The following CCDC91 variants were observed in gnomAD, a reference collection of about 807,000 sequenced individuals.
CCDC91 encodes coiled-coil domain containing 91, also known as coiled-coil domain-containing protein 91.
CCDC91 carries 48 observed loss-of-function variants against 63.2 expected under a neutral mutation model. The observed-to-expected ratio is 0.76, with a 90% CI of 0.60 to 0.97. The LOEUF (loss-of-function observed/expected upper bound fraction) is 0.97, where lower values mean the gene tolerates loss of function less well. Ranked by LOEUF, CCDC91 falls within the 50% of genes least tolerant of loss-of-function variation. The pLI, the probability that CCDC91 is intolerant of heterozygous loss-of-function variation, is 0.00. For missense variants in CCDC91, 500 were observed against 494.6 expected, an observed-to-expected ratio of 1.01 and a Z score of -0.10; for synonymous variants, 167 against 165.8, an observed-to-expected ratio of 1.01 and a Z score of -0.06.
chr12:28,402,629 C>A (rs756970783), intron 8 of CCDC91, among the ~76,000 whole-genome samples: 28 of 144,164 alleles, frequency 1.9e-4, no homozygotes, highest in Non-Finnish European at 3.8e-4. Context: ...AATCCATATA[C>A]CTTTTATTTC....
intron 7 of CCDC91, among the ~76,000 whole-genome samples, chr12:28,366,309 A>G (rs1415616335): frequency 2.6e-5 from 4 of 152,166 alleles, no homozygotes; most frequent in South Asian, 2.1e-4. Flanking sequence ...TTGTCCCACT[A>G]AAGCACTGGA....
rs777088527 is a variant in CCDC91, at chr12:28,306,755, C to T, written c.281C>T (p.Thr94Ile). ...TATGTGGTTTAGATTCAGCAATCAA[C>T]ACACACTCATCTGGATATCTCACTT... is the stretch of plus-strand genomic sequence containing the variant. ...TIPKAQIQQS[T>I]HTHLDISLFP... Residue 94 changes from threonine to isoleucine, a missense_variant, in exon 5 of 13, where the codon ACA becomes ATA. By Grantham distance (89) the Thr-to-Ile change is moderately conservative. Coordinates refer to ENST00000536442, the MANE Select transcript of CCDC91 (RefSeq NM_018318.5). 1.2e-6 allele frequency: 2 copies of T among 1,606,346 alleles called. No homozygotes were observed. Among genetic ancestry groups the T allele is most frequent in the South Asian group, 1.1e-5 (1 of 90,430 alleles).
chr12:28,512,776 G>A (rs1444583253), intron 12 of CCDC91, among the ~76,000 whole-genome samples: 2 of 151,828 alleles, frequency 1.3e-5, no homozygotes, highest in Non-Finnish European at 2.9e-5. Flanking sequence ...GTTAAAACAC[G>A]AAGCAATTAC....
intron 11 of CCDC91, among the ~76,000 whole-genome samples, chr12:28,473,771 C>G (rs547513047): frequency 6.6e-6 from 1 of 152,012 alleles, no homozygotes; most frequent in South Asian, 2.1e-4. Flanking sequence ...ATTTTGCAAC[C>G]GATGCCGTCA....
At chr12:28,432,224 GTTTA>G (rs1256401338) in intron 8 of CCDC91, among the ~76,000 whole-genome samples, 1 of 151,922 alleles carries the variant, frequency 6.6e-6, no homozygotes, top group Non-Finnish European at 1.5e-5. Context: ...ATGTACCACA[GTTTA>G]TTTATCCATT....
chr12:28,534,088 C>T (rs1449537767), intron 12 of CCDC91, among the ~76,000 whole-genome samples: 6 of 152,086 alleles, frequency 3.9e-5, no homozygotes, highest in Non-Finnish European at 5.9e-5. Context: ...ACTATGTACG[C>T]TAATTCATTG....
chr12:28,380,116 T>C (rs538390080), intron 7 of CCDC91, among the ~76,000 whole-genome samples: 12 of 152,180 alleles, frequency 7.9e-5, no homozygotes, highest in Admixed American at 5.9e-4. Context: ...TAGGTGGGAA[T>C]TGAACAATGA....
chr12:28,199,889 A>T (rs1942077589), intron 1 of CCDC91, among the ~76,000 whole-genome samples: 1 of 152,112 alleles, frequency 6.6e-6, no homozygotes, highest in African/African-American at 2.4e-5. Context: ...ATGTTTCGAA[A>T]GTTTGGTTAT....
At chr12:28,277,836 C>G (rs539869018) in intron 3 of CCDC91, among the ~76,000 whole-genome samples, 1 of 151,970 alleles carries the variant, frequency 6.6e-6, no homozygotes, top group African/African-American at 2.4e-5. Context: ...TAGAACTACC[C>G]TAAGTTCTTT....
chr12:28,319,846 C>T (rs1262315116), intron 6 of CCDC91, among the ~76,000 whole-genome samples: 2 of 151,608 alleles, frequency 1.3e-5, no homozygotes, highest in Non-Finnish European at 2.9e-5. Context: ...ATGTTCAGTG[C>T]AGTTGCATTT....
chr12:28,496,343 A>G (rs1324399292), intron 12 of CCDC91, among the ~76,000 whole-genome samples: 1 of 151,666 alleles, frequency 6.6e-6, no homozygotes, highest in Non-Finnish European at 1.5e-5. Flanking sequence ...TAGATGCTAT[A>G]CAGAGACCTC....
intron 6 of CCDC91, among the ~76,000 whole-genome samples, chr12:28,350,153 C>A (rs1384215340): frequency 1.3e-5 from 2 of 152,064 alleles, no homozygotes; most frequent in African/African-American, 4.8e-5. Context: ...TGTACTATTA[C>A]AAGCAAAACA....
chr12:28,391,387 G>T lies in CCDC91; in HGVS notation c.738G>T (p.Lys246Asn). 6.2e-7 allele frequency: 1 copy of T among 1,609,676 alleles called. No homozygotes were observed. The highest frequency in any genetic ancestry group is 8.5e-7 in the Non-Finnish European group (1 of 1,176,154). The change falls in exon 8 of 13, where the codon AAG (lysine) becomes AAT (asparagine). Residue 246 changes from lysine to asparagine, a missense_variant. Physicochemically the swap from Lys to Asn is moderately conservative, Grantham distance 94. Coordinates refer to ENST00000536442, the MANE Select transcript of CCDC91 (RefSeq NM_018318.5). ...CTGCAATTGAGAAACAGGCACACAA[G>T]TGTGAGGAGTTGCTAAATGCTCAGG... The part of the protein sequence containing the change: ...YISAIEKQAH[K>N]CEELLNAQHQ...
chr12:28,296,591 C>T (rs1425685868), intron 3 of CCDC91, among the ~76,000 whole-genome samples: 1 of 151,732 alleles, frequency 6.6e-6, no homozygotes, highest in African/African-American at 2.4e-5. Context: ...GTCTTAGATA[C>T]ATCCTAAAAT....
chr12:28,547,751 T>G (rs1943088939), intron 12 of CCDC91, among the ~76,000 whole-genome samples: 1 of 152,148 alleles, frequency 6.6e-6, no homozygotes, highest in South Asian at 2.1e-4. Flanking sequence ...AGGAGCATTT[T>G]GCTAAATATA....
intron 3 of CCDC91, among the ~76,000 whole-genome samples, chr12:28,263,380 A>G (rs1317121173): frequency 2.0e-5 from 3 of 151,960 alleles, no homozygotes; most frequent in Admixed American, 6.6e-5. Flanking sequence ...GCCTCTGGCG[A>G]CTAGGATCCT....
At chr12:28,242,132 C>G (rs1322074727) in intron 1 of CCDC91, among the ~76,000 whole-genome samples, 3 of 151,528 alleles carry the variant, frequency 2.0e-5, no homozygotes, top group Non-Finnish European at 2.9e-5. Flanking sequence ...GTCTTGAGGT[C>G]TCTCAAGTGG....
intron 3 of CCDC91, among the ~76,000 whole-genome samples, chr12:28,264,635 C>A (rs572754527): frequency 7.7e-4 from 74 of 96,172 alleles, no homozygotes; most frequent in Non-Finnish European, 1.3e-3. Context: ...TGATTTCTTC[C>A]TTTTCCCCCT....
intron 12 of CCDC91, chr12:28,484,375 T>G: frequency 9.3e-6 from 3 of 321,574 alleles, no homozygotes; most frequent in Non-Finnish European, 1.7e-5. Flanking sequence ...CAACAGTGAA[T>G]AATTTGTTGG....
Sources: gnomAD v4.1 joint callset for allele counts (sites outside exome capture counted in the v4.1 genomes callset) on GRCh38, gnomAD v4.1.1 for gene constraint, MANE v1.5 for transcripts, NCBI Gene and HGNC (gene_info 2026-07-23, HGNC 2026-07-21) for gene names.